Variants in PLCL1 observed in about 807,000 individuals in gnomAD.
The protein encoded by PLCL1 is inactive phospholipase C-like protein 1.
In PLCL1, 41 loss-of-function variants were observed where a neutral mutation model predicts 84.4. The ratio of observed to expected loss-of-function variants is 0.49; its 90% confidence interval spans 0.38 to 0.63. PLCL1 has a LOEUF of 0.63. PLCL1 is among the 30% of genes least tolerant of loss of function. The pLI is 0.00. For missense variants in PLCL1, 1,206 were observed against 1,367.8 expected (o/e 0.88, Z 1.87); for synonymous variants, 490 against 488.3 (o/e 1.00, Z -0.05).
chr2:198,109,005 C>T (rs761329605), intron 5 of PLCL1, among the ~76,000 whole-genome samples: 1 of 151,914 alleles, frequency 6.6e-6, no homozygotes, highest in Non-Finnish European at 1.5e-5. Context: ...ATCAAAATAA[C>T]TCCATTCCAT....
chr2:197,982,957 G>A (rs1690140424), intron 1 of PLCL1, among the ~76,000 whole-genome samples: 1 of 151,952 alleles, frequency 6.6e-6, no homozygotes, highest in South Asian at 2.1e-4. Flanking sequence ...TTAGCTAAAT[G>A]TTTGTTTGCT....
intron 1 of PLCL1, among the ~76,000 whole-genome samples, chr2:197,887,450 G>A (rs1490794630): frequency 2.0e-5 from 3 of 152,098 alleles, no homozygotes; most frequent in Non-Finnish European, 2.9e-5. Context: ...CTGTGTTTAA[G>A]GCTGTGTTTA....
intron 1 of PLCL1, among the ~76,000 whole-genome samples, chr2:198,047,188 TG>T (rs1574271981): frequency 6.6e-6 from 1 of 150,934 alleles, no homozygotes; most frequent in African/African-American, 2.4e-5. Flanking sequence ...TGTGTGTGTG[TG>T]TGTGTTTTGT....
At chr2:197,918,221 C>A (rs76991236) in intron 1 of PLCL1, among the ~76,000 whole-genome samples, 1 of 152,224 alleles carries the variant, frequency 6.6e-6, no homozygotes, top group African/African-American at 2.4e-5. Flanking sequence ...AGATAAATCC[C>A]AGTTCAGGGA....
At chr2:197,850,985 C>T (rs994928732) in intron 1 of PLCL1, among the ~76,000 whole-genome samples, 1 of 152,156 alleles carries the variant, frequency 6.6e-6, no homozygotes, top group Non-Finnish European at 1.5e-5. Context: ...TTTGCCTTTC[C>T]TAAGGAAGCC....
chr2:197,929,447 T>C (rs781373061), intron 1 of PLCL1, among the ~76,000 whole-genome samples: 7 of 152,192 alleles, frequency 4.6e-5, no homozygotes, highest in Admixed American at 6.6e-5. Flanking sequence ...TGCTCTTCAG[T>C]TGGAAGTGGC....
At chr2:198,049,619 G>A (rs982126825) in intron 1 of PLCL1, among the ~76,000 whole-genome samples, 2 of 152,160 alleles carry the variant, frequency 1.3e-5, no homozygotes, top group African/African-American at 4.8e-5. Flanking sequence ...TGTGGTGGTG[G>A]AGCTGGCAGA....
rs1359218315 is a variant in PLCL1 at position 198,085,476 on chromosome 2, C to T, written c.1959C>T (p.Asn653=). The change falls in exon 2 of 6, where the codon AAC becomes AAT. Residue 653 remains asparagine (N), a synonymous_variant. Coordinates refer to ENST00000428675, the MANE Select transcript of PLCL1 (RefSeq NM_006226.4). The surrounding 1 kb of genome is among the most constrained non-coding windows in gnomAD (Gnocchi z 5.3). ...GTGCCATGAGGATCGATTCCAGTAA[C>T]TTGAATCCACAGGACTTTTGGAATT... ...YPSAMRIDSS[N]LNPQDFWNCG... 1.2e-6 allele frequency: 2 copies of T among 1,613,926 alleles called. No individual in the cohort carries two copies. The highest frequency in any genetic ancestry group is 1.7e-6 in the Non-Finnish European group (2 of 1,179,932).
chr2:197,852,438 A>G (rs1473677383), intron 1 of PLCL1, among the ~76,000 whole-genome samples: 1 of 152,198 alleles, frequency 6.6e-6, no homozygotes, highest in Non-Finnish European at 1.5e-5. Context: ...TTGGAATGGC[A>G]TGGTAGTGAT....
chr2:197,839,504 G>A (rs185798080), intron 1 of PLCL1, among the ~76,000 whole-genome samples: 8 of 152,320 alleles, frequency 5.3e-5, no homozygotes, highest in Middle Eastern at 3.4e-3. Context: ...GCTGCCACTG[G>A]TCTGACAGGA....
At position 198,044,699 on chromosome 2, in the gene PLCL1, A is replaced by C. The variant is rs1243777758; in HGVS notation, c.241-39059A>C. Among the ~76,000 whole-genome samples, 4 of 152,272 alleles carry C rather than the reference A, an allele frequency of 2.6e-5. No homozygotes were observed. The South Asian group carries it at 8.3e-4, about 32-fold the overall frequency. ...GAGTCATTATCATGTAGAAATTTTG[A>C]AAAATGGAGAAAAATAGAAAGAAAA... On this transcript the variant is annotated intron_variant, in intron 1 of 5. Coordinates refer to ENST00000428675, the MANE Select transcript of PLCL1 (RefSeq NM_006226.4).
At chr2:197,825,372 G>A (rs772370881) in intron 1 of PLCL1, among the ~76,000 whole-genome samples, 1 of 152,114 alleles carries the variant, frequency 6.6e-6, no homozygotes, top group Non-Finnish European at 1.5e-5. Context: ...GAAGGCATAG[G>A]CAGTATTCTT....
intron 5 of PLCL1, among the ~76,000 whole-genome samples, chr2:198,127,983 A>G (rs1174176583): frequency 6.6e-6 from 1 of 152,204 alleles, no homozygotes; most frequent in Non-Finnish European, 1.5e-5. Flanking sequence ...TCACACAAAT[A>G]AAGCGGCTCT....
intron 1 of PLCL1, among the ~76,000 whole-genome samples, chr2:197,915,957 A>G (rs1688591990): frequency 6.6e-6 from 1 of 152,216 alleles, no homozygotes; most frequent in South Asian, 2.1e-4. Context: ...CAGACAATAT[A>G]CCAGCTTTAG....
intron 1 of PLCL1, among the ~76,000 whole-genome samples, chr2:197,901,286 C>T (rs1418377879): frequency 1.3e-5 from 2 of 152,058 alleles, no homozygotes; most frequent in Non-Finnish European, 2.9e-5. Flanking sequence ...AGGAAGTTAA[C>T]TAAGAAATGA....
At chr2:197,845,135 G>A (rs567928640) in intron 1 of PLCL1, among the ~76,000 whole-genome samples, 75 of 152,122 alleles carry the variant, frequency 4.9e-4, no homozygotes, top group African/African-American at 1.5e-3. Flanking sequence ...TAGAACATCC[G>A]TGAGATAAAA....
intron 1 of PLCL1, among the ~76,000 whole-genome samples, chr2:197,840,465 T>C (rs1686973187): frequency 1.3e-5 from 2 of 152,186 alleles, no homozygotes; most frequent in Admixed American, 6.5e-5. Context: ...TATGTAGGCT[T>C]GTTCACTAAC....
intron 1 of PLCL1, among the ~76,000 whole-genome samples, chr2:198,071,828 A>G (rs1692471562): frequency 6.6e-6 from 1 of 151,826 alleles, no homozygotes; most frequent in South Asian, 2.1e-4. Context: ...ATACAAATAT[A>G]CTCTTATAGT....
At chr2:198,119,626 T>C (rs900635085) in intron 5 of PLCL1, among the ~76,000 whole-genome samples, 16 of 151,824 alleles carry the variant, frequency 1.1e-4, no homozygotes, top group Non-Finnish European at 2.4e-4. Flanking sequence ...CCTTCCCTGC[T>C]CTTGTCCCTC....
Sources: allele counts gnomAD v4.1 joint callset (sites outside exome capture counted in the v4.1 genomes callset), GRCh38; gene constraint gnomAD v4.1.1; non-coding constraint Gnocchi (gnomAD v3.1); transcripts MANE v1.5; gene names NCBI Gene and HGNC (gene_info 2026-07-23, HGNC 2026-07-21).